ZMIZ1: variants seen among roughly 807,000 people sequenced by gnomAD.
ZMIZ1 encodes zinc finger MIZ-type containing 1, also known as zinc finger MIZ domain-containing protein 1.
A neutral mutation model predicts 113.9 loss-of-function variants in ZMIZ1; 17 were observed. The ratio of observed to expected loss-of-function variants is 0.15; its 90% confidence interval spans 0.10 to 0.22. The LOEUF (loss-of-function observed/expected upper bound fraction) is 0.22. ZMIZ1 is among the 10% of genes least tolerant of loss of function. The pLI is 1.00. For synonymous variants in ZMIZ1, 607 were observed against 603.1 expected, an observed-to-expected ratio of 1.01 and a Z score of -0.09; for missense variants, 1,059 against 1,477.8, an observed-to-expected ratio of 0.72 and a Z score of 4.65.
chr10:79,300,199 C>T (rs1397052892), intron 16 of ZMIZ1, among the ~76,000 whole-genome samples: 2 of 152,242 alleles, frequency 1.3e-5, no homozygotes, highest in Non-Finnish European at 2.9e-5. Context: ...CTGGGAGTGT[C>T]CTGGCCTGGG....
chr10:79,243,871 T>A (rs1850027411), intron 7 of ZMIZ1: 1 of 157,458 alleles, frequency 6.4e-6, no homozygotes, highest in African/African-American at 2.4e-5. Context: ...TAGCGCCGTG[T>A]GCTGCATGGT....
At chr10:79,246,101 C>T (rs1468717131) in intron 7 of ZMIZ1, among the ~76,000 whole-genome samples, 1 of 152,252 alleles carries the variant, frequency 6.6e-6, no homozygotes, top group East Asian at 1.9e-4. Flanking sequence ...AAGGAGTAGA[C>T]CAGCCAGGCA....
chr10:79,143,478 C>T (rs1357535321), intron 3 of ZMIZ1, among the ~76,000 whole-genome samples: 2 of 152,194 alleles, frequency 1.3e-5, no homozygotes, highest in Admixed American at 6.5e-5. Flanking sequence ...TCTAGTCCCA[C>T]CTTCTCCAGA....
At chr10:79,208,129 GGGGGT>G (rs1564525852) in intron 5 of ZMIZ1, among the ~76,000 whole-genome samples, 2 of 135,558 alleles carry the variant, frequency 1.5e-5, no homozygotes, top group African/African-American at 5.8e-5. Context: ...GGGTGGAGGT[GGGGGT>G]GGGGGGGGGT....
chr10:79,300,465 G>A (rs892415818), intron 16 of ZMIZ1, among the ~76,000 whole-genome samples: 2 of 152,184 alleles, frequency 1.3e-5, no homozygotes, highest in African/African-American at 4.8e-5. Flanking sequence ...CTACAGGGAG[G>A]ACATTCCAGG....
intron 2 of ZMIZ1, among the ~76,000 whole-genome samples, chr10:79,139,454 T>C (rs920622570): frequency 3.3e-5 from 5 of 151,926 alleles, no homozygotes; most frequent in South Asian, 2.1e-4. Flanking sequence ...ACAAAACTTA[T>C]ATTTATATAT....
intron 4 of ZMIZ1, among the ~76,000 whole-genome samples, chr10:79,196,876 A>T (rs1001387406): frequency 2.6e-5 from 4 of 152,168 alleles, no homozygotes; most frequent in African/African-American, 9.7e-5. Context: ...AGATGGGGAA[A>T]CCAAGGCCAG....
intron 4 of ZMIZ1, among the ~76,000 whole-genome samples, chr10:79,170,095 C>T (rs1297305821): frequency 6.6e-6 from 1 of 152,204 alleles, no homozygotes; most frequent in Non-Finnish European, 1.5e-5. Flanking sequence ...TCACCAGGCC[C>T]CTCTCCTGGA....
rs550503774 is a variant in ZMIZ1 at position 79,265,871 on chromosome 10, C to G, written c.281-11310C>G. ...GCTGTTTGACCTCAGCGAATCCACT[C>G]TACTCTCTGGGCTTTGGCCTTGATC... On this transcript the variant is annotated intron_variant, in intron 7 of 24. Coordinates refer to ENST00000334512, the MANE Select transcript of ZMIZ1 (RefSeq NM_020338.4). 5.3e-5 allele frequency among the ~76,000 whole-genome samples: 8 copies of G among 152,332 alleles called. No individual in the cohort carries two copies. In the South Asian group the frequency reaches 1.2e-3, roughly 24 times the overall value.
intron 1 of ZMIZ1, among the ~76,000 whole-genome samples, chr10:79,084,177 G>A (rs1842738744): frequency 6.6e-6 from 1 of 152,200 alleles, no homozygotes; most frequent in African/African-American, 2.4e-5. Context: ...TAAGAGCCCA[G>A]CTCAAAAGCT....
At chr10:79,183,540 TG>T (rs1353173075) in intron 4 of ZMIZ1, among the ~76,000 whole-genome samples, 1 of 152,214 alleles carries the variant, frequency 6.6e-6, no homozygotes, top group East Asian at 1.9e-4. Flanking sequence ...GATGCAAGGC[TG>T]GGAGACGGTA....
chr10:79,134,222 G>A (rs1844895662), intron 2 of ZMIZ1, among the ~76,000 whole-genome samples: 2 of 152,206 alleles, frequency 1.3e-5, no homozygotes, highest in Admixed American at 6.5e-5. Flanking sequence ...GGGGGAAGGT[G>A]CTGCAGTCTG....
At position 79,292,285 on chromosome 10, in the gene ZMIZ1, A is replaced by G; in HGVS notation, c.886A>G (p.Thr296Ala). Reference protein sequence around the residue: ...AAVAAAAATATATATATVAAL... With the variant: ...AAVAAAAATAAATATATVAAL... ...AGTGGCAGCAGCAGCAGCCACAGCT[A>G]CAGCCACAGCCACGGCCACTGTGGC... is the stretch of plus-strand genomic sequence containing the variant. Residue 296 changes from threonine to alanine, a missense_variant, in exon 11 of 25, where the codon ACA becomes GCA. Thr to Ala is a moderately conservative substitution (Grantham distance 58). Transcript: ENST00000334512. 6 of 1,612,862 alleles carry G rather than the reference A, an allele frequency of 3.7e-6. No homozygotes were observed. Among genetic ancestry groups the G allele is most frequent in the Non-Finnish European group, 5.1e-6 (6 of 1,179,792 alleles).
intron 1 of ZMIZ1, among the ~76,000 whole-genome samples, chr10:79,076,503 C>T (rs1320733237): frequency 6.6e-6 from 1 of 152,190 alleles, no homozygotes; most frequent in Non-Finnish European, 1.5e-5. Flanking sequence ...TGCCCAGCAG[C>T]ATGTGTCTTT....
intron 3 of ZMIZ1, among the ~76,000 whole-genome samples, chr10:79,154,031 C>T (rs1479415746): frequency 1.3e-5 from 2 of 152,220 alleles, no homozygotes; most frequent in Admixed American, 6.5e-5. Flanking sequence ...TGCCTGTGCC[C>T]TTCAGTGCCA....
rs764748778 is a variant in ZMIZ1, at chr10:79,313,080, C to G, written c.*331C>G. On this transcript the variant is annotated 3_prime_UTR_variant, in exon 25 of 25. Transcript: ENST00000334512. ...CGCTGATGCGGCTTCCCGGTCCCTC[C>G]GCGTGTGCCGATTCCAGATGACCTT... The G allele has an allele frequency of 9.7e-6, 3 of 309,136 alleles. No individual in the cohort carries two copies. The highest frequency in any genetic ancestry group is 1.8e-5 in the Non-Finnish European group (3 of 164,004). The allele number at this position is 309,136 out of a possible 1,614,324, so 19.1% of individuals were successfully genotyped here.
chr10:79,108,627 A>G (rs1240084251), intron 1 of ZMIZ1, among the ~76,000 whole-genome samples: 1 of 152,072 alleles, frequency 6.6e-6, no homozygotes, highest in East Asian at 1.9e-4. Flanking sequence ...GGCCTTGGGT[A>G]GAAGGAAAGC....
chr10:79,289,659 T>A (rs1429794462), intron 8 of ZMIZ1, 116 bp from the exon 9 acceptor site: 12 of 906,870 alleles, frequency 1.3e-5, no homozygotes, highest in Non-Finnish European at 2.1e-5. Flanking sequence ...CCGACTCGGA[T>A]GGGGGTTACC....
intron 7 of ZMIZ1, among the ~76,000 whole-genome samples, chr10:79,263,841 C>T (rs78917948): frequency 0.048 from 7,259 of 152,068 alleles, 217 homozygotes; most frequent in Middle Eastern, 0.095. Flanking sequence ...GTCTTTTTGA[C>T]CCTAGGGAAG....
Sources: allele counts gnomAD v4.1 joint callset (sites outside exome capture counted in the v4.1 genomes callset), GRCh38; gene constraint gnomAD v4.1.1; transcripts MANE v1.5; gene names NCBI Gene and HGNC (gene_info 2026-07-23, HGNC 2026-07-21).